Variants in PEAK1 observed in about 807,000 individuals in gnomAD.
PEAK1 encodes the protein pseudopodium enriched atypical kinase 1.
PEAK1 carries 54 observed loss-of-function variants against 124.7 expected under a neutral mutation model. That is an observed-to-expected ratio of 0.43 (90% CI 0.35 to 0.54). The LOEUF is 0.54. PEAK1 is among the 20% of genes least tolerant of loss of function. The pLI, the probability that PEAK1 is intolerant of heterozygous loss-of-function variation, is 0.01. For synonymous variants in PEAK1, 719 were observed against 760.0 expected (o/e 0.95, Z 0.89); for missense variants, 2,046 against 2,134.5 (o/e 0.96, Z 0.82).
At chr15:77,417,459 C>CGG (rs745566711) in intron 1 of PEAK1, 23,255 of 376,630 alleles carry the variant, frequency 0.062, 223 homozygotes, top group Non-Finnish European at 0.067. Context: ...GGATGCGGGG[C>CGG]GGGGGGGGAG....
At chr15:77,381,806 T>C (rs2069504057) in intron 1 of PEAK1, among the ~76,000 whole-genome samples, 1 of 152,164 alleles carries the variant, frequency 6.6e-6, no homozygotes, top group Non-Finnish European at 1.5e-5. Context: ...CACACCATAG[T>C]ATCCCCCAAA....
chr15:77,177,284 G>A (rs1287248108), intron 7 of PEAK1, among the ~76,000 whole-genome samples: 1 of 152,080 alleles, frequency 6.6e-6, no homozygotes, highest in East Asian at 1.9e-4. Context: ...ATTACTACTG[G>A]AGTACATTCT....
chr15:77,333,695 A>G (rs1190169681), intron 2 of PEAK1: 14 of 972,260 alleles, frequency 1.4e-5, no homozygotes, highest in African/African-American at 1.8e-5. Flanking sequence ...TTACTAATTC[A>G]TTCTCCTAAT....
chr15:77,134,055 A>G (rs115043910), intron 8 of PEAK1, among the ~76,000 whole-genome samples: 1,904 of 152,274 alleles, frequency 0.013, 34 homozygotes, highest in African/African-American at 0.042. Context: ...CACCCTTCAG[A>G]GTGCTATATA....
At chr15:77,417,443 G>A in intron 1 of PEAK1, 1 of 954,406 alleles carries the variant, frequency 1.0e-6, no homozygotes, top group South Asian at 4.9e-5. Flanking sequence ...GGAGAGTGGG[G>A]TGGGGGGATG....
At chr15:77,381,599 T>A (rs1278270220) in intron 1 of PEAK1, 2 of 401,740 alleles carry the variant, frequency 5.0e-6, no homozygotes, top group East Asian at 3.2e-4. Flanking sequence ...CCATCCAGGT[T>A]ACAGAGTGCT....
At chr15:77,395,368 GA>G (rs976857719) in intron 1 of PEAK1, among the ~76,000 whole-genome samples, 17 of 152,152 alleles carry the variant, frequency 1.1e-4, no homozygotes, top group African/African-American at 4.1e-4. Context: ...CAGAGAGAGA[GA>G]GGGGCAGGGA....
Position 77,418,127 on chromosome 15 carries a change from T to C in PEAK1, c.-666+1879A>G, listed in dbSNP as rs1466499763. The C allele has an allele frequency of 3.0e-6, 3 of 983,832 alleles. No individual in the cohort carries two copies. The African/African-American group carries it at 5.2e-5, about 17-fold the overall frequency. 60.9% of individuals were successfully genotyped at this position (983,832 alleles called of 1,614,324 possible). The stretch of plus-strand genomic sequence containing the variant: ...TGTTAATAGGCTACAAACATTATTG[T>C]GAAAGTTTCTGTATACTATCAACTG... On this transcript the variant is annotated intron_variant, in intron 1 of 9. Coordinates refer to ENST00000682557, the MANE Select transcript of PEAK1 (RefSeq NM_001385026.1).
intron 9 of PEAK1, among the ~76,000 whole-genome samples, chr15:77,120,048 G>T (rs1447574779): frequency 6.6e-6 from 1 of 152,186 alleles, no homozygotes; most frequent in Non-Finnish European, 1.5e-5. Flanking sequence ...GAGGGATAGG[G>T]GGAAAGGTGG....
Position 77,337,027 on chromosome 15 carries a change from G to A in PEAK1, c.-603+28136C>T, listed in dbSNP as rs2066246278. 6 of 713,668 alleles carry A rather than the reference G, an allele frequency of 8.4e-6. No individual in the cohort carries two copies. In the South Asian group the frequency reaches 3.2e-4, roughly 38 times the overall value. The allele number at this position is 713,668 out of a possible 1,614,324, so 44.2% of individuals were successfully genotyped here. On this transcript the variant is annotated intron_variant, in intron 2 of 9. Coordinates refer to ENST00000682557, the MANE Select transcript of PEAK1 (RefSeq NM_001385026.1). ...AATATCCAAAGACATAAATTAACTA[G>A]ATTATAGTAGGTGTTTATGGAGGAA... is the stretch of plus-strand genomic sequence containing the variant.
chr15:77,236,399 A>C (rs1283928741), intron 6 of PEAK1, among the ~76,000 whole-genome samples: 1 of 152,198 alleles, frequency 6.6e-6, no homozygotes, highest in Non-Finnish European at 1.5e-5. Flanking sequence ...AGATTTAATA[A>C]TTGCCCTATC....
Position 77,251,016 on chromosome 15 carries a change from A to G in PEAK1, c.-115+1351T>C, listed in dbSNP as rs550090488. Among the ~76,000 whole-genome samples the G allele has an allele frequency of 2.1e-4, 32 of 152,320 alleles. No homozygotes were observed. In the South Asian group the frequency reaches 6.4e-3, roughly 31 times the overall value. ...TAGAACTAGAACATGATGCTATTTG[A>G]TTGACTTTTCATATCTCCTGCATTT... On this transcript the variant is annotated intron_variant, in intron 6 of 9. Transcript: ENST00000682557.
intron 2 of PEAK1, chr15:77,345,683 G>A (rs1045640691): frequency 6.3e-6 from 1 of 157,980 alleles, no homozygotes; most frequent in African/African-American, 2.4e-5. Flanking sequence ...TAGCACAGTA[G>A]GGAACTTAGA....
At chr15:77,150,073 G>A (rs2054470727) in intron 8 of PEAK1, among the ~76,000 whole-genome samples, 2 of 152,088 alleles carry the variant, frequency 1.3e-5, no homozygotes, top group African/African-American at 4.8e-5. Flanking sequence ...TTAAAAGGAA[G>A]GCAACAGGTA....
At chr15:77,221,067 C>A (rs2059367398) in intron 6 of PEAK1, among the ~76,000 whole-genome samples, 1 of 152,040 alleles carries the variant, frequency 6.6e-6, no homozygotes, top group Non-Finnish European at 1.5e-5. Context: ...TTATTGTTTT[C>A]ATAATCAGAA....
intron 8 of PEAK1, among the ~76,000 whole-genome samples, chr15:77,135,435 C>G (rs894752044): frequency 6.6e-6 from 1 of 152,186 alleles, no homozygotes; most frequent in African/African-American, 2.4e-5. Context: ...AGTGTACTTA[C>G]ACGAACCTAG....
chr15:77,184,037 C>T (rs2057413414), intron 6 of PEAK1, among the ~76,000 whole-genome samples: 1 of 151,840 alleles, frequency 6.6e-6, no homozygotes, highest in African/African-American at 2.4e-5. Flanking sequence ...TCCATGTTGT[C>T]CAGGGTGGTC....
intron 6 of PEAK1, 136 bp from the exon 7 acceptor site, chr15:77,182,176 G>A: frequency 1.3e-6 from 1 of 752,958 alleles, no homozygotes; most frequent in Non-Finnish European, 1.8e-6. Context: ...AAACTAATTT[G>A]TGTACTTTGT....
intron 5 of PEAK1, chr15:77,278,664 A>AT: frequency 1.9e-6 from 1 of 522,616 alleles, no homozygotes; most frequent in South Asian, 1.4e-5. Flanking sequence ...AAGGAGGGGA[A>AT]TAAGCCTGCA....
Sources: gnomAD v4.1 joint callset for allele counts (sites outside exome capture counted in the v4.1 genomes callset) on GRCh38, gnomAD v4.1.1 for gene constraint, MANE v1.5 for transcripts, NCBI Gene and HGNC (gene_info 2026-07-23, HGNC 2026-07-21) for gene names.